KMO: variants seen among roughly 807,000 people sequenced by gnomAD.
KMO encodes kynurenine 3-monooxygenase.
KMO carries 24 observed loss-of-function variants against 57.8 expected under a neutral mutation model. The ratio of observed to expected loss-of-function variants is 0.42; its 90% CI spans 0.30 to 0.58. The LOEUF (loss-of-function observed/expected upper bound fraction) is 0.58, where lower values mean the gene tolerates loss of function less well. KMO is among the 20% of genes least tolerant of loss of function. KMO has a pLI of 0.22. For synonymous variants in KMO, 210 were observed against 193.6 expected, an observed-to-expected ratio of 1.08 and a Z score of -0.70; for missense variants, 483 against 588.2, an observed-to-expected ratio of 0.82 and a Z score of 1.85.
At chr1:241,558,752 T>G (rs1232701658) in intron 5 of KMO, among the ~76,000 whole-genome samples, 1 of 145,396 alleles carries the variant, frequency 6.9e-6, no homozygotes, top group Non-Finnish European at 1.5e-5. Context: ...ACGTGTATAC[T>G]TTTCCAATTT....
intron 12 of KMO, among the ~76,000 whole-genome samples, chr1:241,589,707 A>C (rs1354164975): frequency 6.6e-6 from 1 of 152,222 alleles, no homozygotes; most frequent in Non-Finnish European, 1.5e-5. Flanking sequence ...CAAATCTTTG[A>C]GCTCACAGAT....
chr1:241,557,585 T>C (rs1661685412), intron 5 of KMO, among the ~76,000 whole-genome samples: 1 of 152,158 alleles, frequency 6.6e-6, no homozygotes, highest in Non-Finnish European at 1.5e-5. Context: ...ATTTCCTTAG[T>C]TATATTTGTC....
At chr1:241,576,854 T>G (rs541455691) in intron 10 of KMO, among the ~76,000 whole-genome samples, 1 of 152,270 alleles carries the variant, frequency 6.6e-6, no homozygotes, top group South Asian at 2.1e-4. Flanking sequence ...CTTTCTTTTC[T>G]CCCTCAGGAA....
chr1:241,588,329 C>CTT (rs57587351), intron 11 of KMO, among the ~76,000 whole-genome samples: 13 of 98,378 alleles, frequency 1.3e-4, no homozygotes, highest in East Asian at 6.6e-4. Flanking sequence ...TCTTTTTTTT[C>CTT]TTTTTTTTTT....
At chr1:241,579,429 T>C (rs889072136) in intron 10 of KMO, among the ~76,000 whole-genome samples, 48 of 152,034 alleles carry the variant, frequency 3.2e-4, no homozygotes, top group African/African-American at 1.1e-3. Flanking sequence ...GCATTCCCTG[T>C]GGGGGCCAGG....
rs748869513 is a variant in KMO at position 241,590,037 on chromosome 1, G to C, written c.1124G>C (p.Trp375Ser). 3 of 1,613,870 alleles carry C rather than the reference G, an allele frequency of 1.9e-6. No homozygotes were observed. Among genetic ancestry groups the C allele is most frequent in the South Asian group, 1.1e-5 (1 of 91,078 alleles). ...ATGCGAGCACATGTCAACTCAAGCT[G>C]GTTCATTTTTCAGAAGAACATGGAG... is the stretch of plus-strand genomic sequence containing the variant. ...IEMRAHVNSS[W>S]FIFQKNMERF... is the part of the protein sequence containing the mutation. Residue 375 changes from tryptophan (W) to serine (S), a missense_variant, in exon 13 of 15, where the codon TGG becomes TCG. Trp to Ser is a radical substitution (Grantham distance 177). Around this residue, in one of 3 missense-constraint regions of KMO, gnomAD observed 410 missense variants for 492.3 expected, o/e 0.83. Coordinates refer to ENST00000366559, the MANE Select transcript of KMO (RefSeq NM_003679.5).
At position 241,584,992 on chromosome 1, in the gene KMO, G is replaced by A. The variant is rs1190464929; in HGVS notation, c.958-1687G>A. ...TGTAATCCCAGCACTTTGGGAGACCGAGACAGGTGGATCACTTGAGGTCAG... is the reference window on the plus strand; with the variant it reads ...TGTAATCCCAGCACTTTGGGAGACCAAGACAGGTGGATCACTTGAGGTCAG... On this transcript the variant is annotated intron_variant, in intron 10 of 14. Coordinates refer to ENST00000366559, the MANE Select transcript of KMO (RefSeq NM_003679.5). Among the ~76,000 whole-genome samples the A allele has an allele frequency of 3.3e-5, 5 of 151,810 alleles. 1 individual carries two copies. The South Asian group carries it at 6.2e-4, about 19-fold the overall frequency.
Position 241,555,628 on chromosome 1 carries a change from G to T in KMO, c.329G>T (p.Ser110Ile). Residue 110 changes from serine to isoleucine, a missense_variant, in exon 5 of 15, where the codon AGC (serine) becomes ATC (isoleucine). Physicochemically the swap from Ser to Ile is moderately radical, Grantham distance 142. Around this residue, in one of 3 missense-constraint regions of KMO, gnomAD observed 410 missense variants for 492.3 expected, o/e 0.83. Coordinates refer to ENST00000366559, the MANE Select transcript of KMO (RefSeq NM_003679.5). Reference sequence around the variant, plus strand: ...TTCTTGCAGTATATTCTTTCTGTAAGCAGAGAAAATCTAAACAAGGATCTA... The same window carrying T: ...TTCTTGCAGTATATTCTTTCTGTAATCAGAGAAAATCTAAACAAGGATCTA... ...GTKSQYILSV[S>I]RENLNKDLLT... 6.4e-7 allele frequency: 1 copy of T among 1,573,588 alleles called. No homozygotes were observed. Among genetic ancestry groups the T allele is most frequent in the Non-Finnish European group, 8.7e-7 (1 of 1,144,796 alleles).
At position 241,548,899 on chromosome 1, in the gene KMO, G is replaced by T. The variant is rs776150606; in HGVS notation, c.124+1G>T. ...ATTGATGTATATGAAGCTAGGGAAG[G>T]TACGTCCATGGTGAAAAAAGCAGGA... On this transcript the variant is annotated splice_donor_variant, in intron 2 of 14. Coordinates refer to ENST00000366559, the MANE Select transcript of KMO (RefSeq NM_003679.5). LOFTEE classifies it high-confidence loss of function. The T allele has an allele frequency of 1.2e-6, 2 of 1,600,890 alleles. No homozygotes were observed. Among genetic ancestry groups the T allele is most frequent in the Non-Finnish European group, 1.7e-6 (2 of 1,168,688 alleles).
At chr1:241,572,157 G>A (rs1347714857) in intron 10 of KMO, among the ~76,000 whole-genome samples, 2 of 151,964 alleles carry the variant, frequency 1.3e-5, no homozygotes, top group African/African-American at 4.8e-5. Flanking sequence ...GAGCCACCAC[G>A]CCCGGGCAAT....
chr1:241,552,410 C>T (rs1661441522), intron 4 of KMO, among the ~76,000 whole-genome samples: 1 of 152,176 alleles, frequency 6.6e-6, no homozygotes, highest in Non-Finnish European at 1.5e-5. Context: ...TCAAATATGG[C>T]GGCCTCCTTG....
rs1467725864 is a variant in KMO, at chr1:241,594,251, T to G, written c.*2098T>G. The G allele has an allele frequency of 2.0e-5, 12 of 605,056 alleles. No homozygotes were observed. Among genetic ancestry groups the G allele is most frequent in the Non-Finnish European group, 3.3e-5 (12 of 367,542 alleles). The allele number at this position is 605,056 out of a possible 1,614,324, so 37.5% of individuals were successfully genotyped here. On this transcript the variant is annotated 3_prime_UTR_variant, in exon 15 of 15. Coordinates refer to ENST00000366559, the MANE Select transcript of KMO (RefSeq NM_003679.5). ...AAAGCACCCGTTGAATTAAAAGAAT[T>G]TGTTTTTGTTCAACCTCTTCCTGAG... is the stretch of plus-strand genomic sequence containing the variant.
chr1:241,592,729 T>TA lies in KMO; in HGVS notation c.*577dup, dbSNP rs1663353206. 3.2e-5 allele frequency: 5 copies of TA among 155,042 alleles called. No homozygotes were observed. The highest frequency in any genetic ancestry group is 6.4e-5 in the Admixed American group (1 of 15,700). 9.6% of individuals were successfully genotyped at this position (155,042 alleles called of 1,614,324 possible). On this transcript the variant is annotated 3_prime_UTR_variant, in exon 15 of 15. Coordinates refer to ENST00000366559, the MANE Select transcript of KMO (RefSeq NM_003679.5). ...ATCATCTATCTGTTTATCGTCTATC[T>TA]ATCTATCATCTATCTATCTATCTAT...
At position 241,580,940 on chromosome 1, in the gene KMO, C is replaced by T. The variant is rs570351280; in HGVS notation, c.958-5739C>T. Reference sequence around the variant, plus strand: ...TGAAACTGGGGTGTTAAGTACCCAGCTATTATTGTATTGGGGTCTATCACT... The same window carrying T: ...TGAAACTGGGGTGTTAAGTACCCAGTTATTATTGTATTGGGGTCTATCACT... On this transcript the variant is annotated intron_variant, in intron 10 of 14. Transcript: ENST00000366559. Among the ~76,000 whole-genome samples, 8 of 152,166 alleles carry T rather than the reference C, an allele frequency of 5.3e-5. No individual in the cohort carries two copies. In the South Asian group the frequency reaches 1.7e-3, roughly 32 times the overall value.
intron 14 of KMO, among the ~76,000 whole-genome samples, chr1:241,590,587 A>G (rs1663223813): frequency 6.6e-6 from 1 of 152,216 alleles, no homozygotes; most frequent in African/African-American, 2.4e-5. Flanking sequence ...TAATTTGTAA[A>G]ATTAGACAGA....
chr1:241,546,476 G>A (rs900882879), intron 1 of KMO, among the ~76,000 whole-genome samples: 4 of 152,270 alleles, frequency 2.6e-5, no homozygotes, highest in Admixed American at 6.5e-5. Flanking sequence ...CAAAATGAAT[G>A]CTGGTAGAAT....
At chr1:241,556,582 T>G (rs549559771) in intron 5 of KMO, among the ~76,000 whole-genome samples, 1 of 152,298 alleles carries the variant, frequency 6.6e-6, no homozygotes, top group East Asian at 1.9e-4. Flanking sequence ...AGTGACACAA[T>G]TAGATTTGCC....
intron 11 of KMO, among the ~76,000 whole-genome samples, chr1:241,587,835 T>A (rs956837207): frequency 2.6e-5 from 4 of 152,026 alleles, no homozygotes; most frequent in Admixed American, 2.0e-4. Context: ...TCCTTCCTAG[T>A]CCTGATGTGA....
chr1:241,540,317 C>A (rs752730662), intron 1 of KMO, among the ~76,000 whole-genome samples: 1 of 151,922 alleles, frequency 6.6e-6, no homozygotes, highest in Non-Finnish European at 1.5e-5. Flanking sequence ...TCAGACAAGA[C>A]TATAAATAAA....
Sources: allele counts gnomAD v4.1 joint callset (sites outside exome capture counted in the v4.1 genomes callset), GRCh38; gene constraint gnomAD v4.1.1; regional missense constraint gnomAD v4.1.1; transcripts MANE v1.5; gene names NCBI Gene and HGNC (gene_info 2026-07-23, HGNC 2026-07-21).